The following MCPH1 variants were observed in gnomAD, a reference collection of about 807,000 sequenced individuals.
The protein encoded by MCPH1 is microcephalin 1.
In MCPH1, 104 loss-of-function variants were observed where a neutral mutation model predicts 84.5. The ratio of observed to expected loss-of-function variants is 1.23; its 90% CI spans 1.05 to 1.45. MCPH1 has a LOEUF of 1.45. Among genes scored for constraint, MCPH1 ranks in the 40% most tolerant of loss-of-function variants. The probability of loss-of-function intolerance (pLI) is 0.00; values close to 1 mark genes in which losing one functional copy is unlikely to be tolerated. For synonymous variants in MCPH1, 514 were observed against 366.8 expected (o/e 1.40, Z -4.58); for missense variants, 1,498 against 1,005.7 (o/e 1.49, Z -6.62).
chr8:6,502,916 G>GT (rs1563299850), intron 12 of MCPH1: 1 of 641,924 alleles, frequency 1.6e-6, no homozygotes, highest in African/African-American at 1.8e-5. Flanking sequence ...GCTTTGGTCC[G>GT]TTAAGTGATG....
At chr8:6,522,311 T>C (rs2442618) in intron 12 of MCPH1, among the ~76,000 whole-genome samples, 62,067 of 151,246 alleles carry the variant, frequency 0.41, 12,902 homozygotes, top group Middle Eastern at 0.52. Flanking sequence ...GCTGAGATCA[T>C]GCCACTGCAC....
At chr8:6,459,627 C>T (rs936330633) in intron 9 of MCPH1, among the ~76,000 whole-genome samples, 1 of 152,184 alleles carries the variant, frequency 6.6e-6, no homozygotes, top group South Asian at 2.1e-4. Context: ...CTGGGCCTGA[C>T]ATTTTTATGT....
intron 12 of MCPH1, among the ~76,000 whole-genome samples, chr8:6,587,627 G>T (rs962523062): frequency 4.6e-5 from 7 of 152,206 alleles, no homozygotes; most frequent in African/African-American, 1.7e-4. Context: ...CAGAAGAATA[G>T]CAGTCTTGGG....
chr8:6,566,004 T>C (rs1826119430), intron 12 of MCPH1, among the ~76,000 whole-genome samples: 1 of 152,144 alleles, frequency 6.6e-6, no homozygotes, highest in Admixed American at 6.5e-5. Context: ...TGTCAGATGG[T>C]AATTATTTTC....
At chr8:6,443,496 G>C (rs1803815986) in intron 7 of MCPH1, among the ~76,000 whole-genome samples, 2 of 151,540 alleles carry the variant, frequency 1.3e-5, no homozygotes, top group South Asian at 4.1e-4. Context: ...ACACTTACGT[G>C]ACCTCCAGAT....
intron 13 of MCPH1, among the ~76,000 whole-genome samples, chr8:6,623,243 C>T (rs1234954711): frequency 1.3e-5 from 2 of 152,006 alleles, no homozygotes; most frequent in South Asian, 2.1e-4. Context: ...CATCGACATA[C>T]GAATTTTGGG....
intron 3 of MCPH1, among the ~76,000 whole-genome samples, chr8:6,430,222 T>C (rs1229547997): frequency 6.6e-6 from 1 of 152,202 alleles, no homozygotes; most frequent in African/African-American, 2.4e-5. Flanking sequence ...TACTGCACTG[T>C]GTTCTTTTTT....
intron 9 of MCPH1, among the ~76,000 whole-genome samples, chr8:6,458,710 T>C (rs1021814641): frequency 1.3e-5 from 2 of 152,126 alleles, no homozygotes; most frequent in Non-Finnish European, 2.9e-5. Flanking sequence ...ACTGGTGTTA[T>C]CTCGGCTCAC....
At position 6,477,619 on chromosome 8, in the gene MCPH1, G is replaced by A; in HGVS notation, c.1961G>A (p.Ser654Asn). The change falls in exon 10 of 14, where the codon AGC becomes AAC. Residue 654 changes from serine (S) to asparagine (N), a missense_variant. By Grantham distance (46) the Ser-to-Asn change is conservative (BLOSUM62 1). Transcript: ENST00000344683. ...CCAACAAGAACATTAGTCATGACAA[G>A]CATGCCATCTGAGTAAGTACTTGTT... The part of the protein sequence containing the change: ...KKPTRTLVMT[S>N]MPSEKQNVVI... The A allele has an allele frequency of 6.2e-7, 1 of 1,612,940 alleles. No homozygotes were observed. Among genetic ancestry groups the A allele is most frequent in the African/African-American group, 1.3e-5 (1 of 75,010 alleles).
At chr8:6,503,695 G>A (rs1046287238) in intron 12 of MCPH1, among the ~76,000 whole-genome samples, 7 of 152,152 alleles carry the variant, frequency 4.6e-5, no homozygotes, top group East Asian at 1.9e-4. Context: ...TGATTTTTTC[G>A]GTTGAAGTTT....
chr8:6,589,034 T>C (rs1282252766), intron 12 of MCPH1, among the ~76,000 whole-genome samples: 3 of 152,254 alleles, frequency 2.0e-5, no homozygotes, highest in African/African-American at 4.8e-5. Context: ...TAGATTTTTC[T>C]TAAACAATCA....
At chr8:6,592,639 T>TG (rs1459181788) in intron 12 of MCPH1, among the ~76,000 whole-genome samples, 11 of 141,182 alleles carry the variant, frequency 7.8e-5, no homozygotes, top group Admixed American at 2.1e-4. Flanking sequence ...TTTTTTTTTT[T>TG]TTTTGTTGCT....
chr8:6,559,547 C>CTA (rs67706592), intron 12 of MCPH1, among the ~76,000 whole-genome samples: 19,482 of 152,040 alleles, frequency 0.13, 1,324 homozygotes, highest in South Asian at 0.18. Context: ...TGTTTGCCTC[C>CTA]GTAGTAGGCA....
intron 3 of MCPH1, among the ~76,000 whole-genome samples, chr8:6,421,806 C>T (rs774751106): frequency 6.6e-6 from 1 of 152,150 alleles, no homozygotes; most frequent in Non-Finnish European, 1.5e-5. Context: ...GTCCCCTTCC[C>T]TTCCATTGTC....
chr8:6,470,677 G>C (rs1043626086), intron 9 of MCPH1, among the ~76,000 whole-genome samples: 1 of 152,246 alleles, frequency 6.6e-6, no homozygotes, highest in African/African-American at 2.4e-5. Context: ...AAACCCATGA[G>C]TAACTCATGA....
At chr8:6,433,525 C>T (rs1444136811) in intron 4 of MCPH1, among the ~76,000 whole-genome samples, 1 of 150,418 alleles carries the variant, frequency 6.6e-6, no homozygotes, top group Admixed American at 6.6e-5. Flanking sequence ...CCCAGCTACT[C>T]AGGAGGCTGA....
At chr8:6,594,122 C>T (rs1361929377) in intron 12 of MCPH1, among the ~76,000 whole-genome samples, 1 of 152,238 alleles carries the variant, frequency 6.6e-6, no homozygotes, top group Non-Finnish European at 1.5e-5. Context: ...CAGAGGTTTG[C>T]TGAGTTGAGC....
At chr8:6,576,297 A>C (rs907615453) in intron 12 of MCPH1, among the ~76,000 whole-genome samples, 4 of 152,142 alleles carry the variant, frequency 2.6e-5, no homozygotes, top group Non-Finnish European at 4.4e-5. Context: ...TCTTTCATGA[A>C]GAGCCTGTTT....
At position 6,551,373 on chromosome 8, in the gene MCPH1, C is replaced by T. The variant is rs370815740; in HGVS notation, c.2214+51444C>T. Among the ~76,000 whole-genome samples the T allele has an allele frequency of 6.0e-5, 9 of 150,126 alleles. No homozygotes were observed. In the East Asian group the frequency reaches 1.7e-3, roughly 29 times the overall value. On this transcript the variant is annotated intron_variant, in intron 12 of 13. Coordinates refer to ENST00000344683, the MANE Select transcript of MCPH1 (RefSeq NM_024596.5). ...CAACGCCTTCATGGCACGGGACAGG[C>T]CAATTATGTAACTGTAAACAAATTA... is the stretch of plus-strand genomic sequence containing the variant.
Sources: gnomAD v4.1 joint callset for allele counts (sites outside exome capture counted in the v4.1 genomes callset) on GRCh38, gnomAD v4.1.1 for gene constraint, MANE v1.5 for transcripts, NCBI Gene and HGNC (gene_info 2026-07-23, HGNC 2026-07-21) for gene names.